The following CSMD2 variants were observed in gnomAD, a reference collection of about 807,000 sequenced individuals.
CSMD2 encodes the protein CUB and Sushi multiple domains 2.
In CSMD2, 130 loss-of-function variants were observed where a neutral mutation model predicts 398.5. That is an observed-to-expected ratio of 0.33 (90% CI 0.28 to 0.38). The LOEUF (loss-of-function observed/expected upper bound fraction) is 0.38, where lower values mean the gene tolerates loss of function less well. Among genes scored for constraint, CSMD2 ranks in the 10% least tolerant of loss-of-function variants. CSMD2 has a pLI of 1.00. For missense variants in CSMD2, 3,829 were observed against 4,764.9 expected, an observed-to-expected ratio of 0.80 and a Z score of 5.78; for synonymous variants, 1,828 against 1,908.5, an observed-to-expected ratio of 0.96 and a Z score of 1.10.
At chr1:33,895,346 AG>A (rs1642310296) in intron 5 of CSMD2, among the ~76,000 whole-genome samples, 1 of 152,094 alleles carries the variant, frequency 6.6e-6, no homozygotes, top group African/African-American at 2.4e-5. Context: ...GAATGCCTGC[AG>A]GGTGTATGGG....
intron 12 of CSMD2, among the ~76,000 whole-genome samples, chr1:33,785,272 T>C (rs555668892): frequency 1.3e-4 from 20 of 152,364 alleles, no homozygotes; most frequent in African/African-American, 3.8e-4. Context: ...CCCCAACCTC[T>C]GGTGACATGG....
At chr1:33,852,623 A>G (rs909066996) in intron 5 of CSMD2, among the ~76,000 whole-genome samples, 1 of 152,216 alleles carries the variant, frequency 6.6e-6, no homozygotes, top group Non-Finnish European at 1.5e-5. Flanking sequence ...TGGCCCTGCC[A>G]TGATCCTGGG....
chr1:33,748,915 T>A (rs1370839343), intron 13 of CSMD2, among the ~76,000 whole-genome samples: 1 of 152,072 alleles, frequency 6.6e-6, no homozygotes, highest in African/African-American at 2.4e-5. Context: ...AAAATCCCCA[T>A]AAATTCTATC....
Position 34,005,644 on chromosome 1 carries a change from T to C in CSMD2, c.517+26950A>G, listed in dbSNP as rs941894916. 2.3e-4 allele frequency among the ~76,000 whole-genome samples: 35 copies of C among 152,210 alleles called. 1 individual carries two copies. The highest frequency in any genetic ancestry group is 1.8e-4 in the Non-Finnish European group (12 of 68,034). On this transcript the variant is annotated intron_variant, in intron 3 of 70. Coordinates refer to ENST00000373381, the MANE Select transcript of CSMD2 (RefSeq NM_001281956.2). ...ACTCACCGGTTTGGTATAGTGTCTA[T>C]GACTGAGTTTCTGCCTCAGTTTCCT... is the stretch of plus-strand genomic sequence containing the variant.
Position 33,533,957 on chromosome 1 carries a change from C to CCTA in CSMD2, c.9880-53_9880-51dup. 1.7e-6 allele frequency: 2 copies of CCTA among 1,189,720 alleles called. No homozygotes were observed. Among genetic ancestry groups the CCTA allele is most frequent in the Middle Eastern group, 1.9e-4 (1 of 5,284 alleles). The allele number at this position is 1,189,720 out of a possible 1,614,324, so 73.7% of individuals were successfully genotyped here. ...CAGCCCCTTCCTTTCAGCGGTGCTT[C>CCTA]CTACGTCTGTCCCTTGACCACTTTC... is the stretch of plus-strand genomic sequence containing the variant. On this transcript the variant is annotated intron_variant, in intron 62 of 70. Coordinates refer to ENST00000373381, the MANE Select transcript of CSMD2 (RefSeq NM_001281956.2). This position sits in a 1 kb window ranked among gnomAD's most constrained non-coding sequence, Gnocchi z 4.2.
At chr1:33,915,796 G>A (rs1570490864) in intron 5 of CSMD2, among the ~76,000 whole-genome samples, 2 of 152,282 alleles carry the variant, frequency 1.3e-5, no homozygotes, top group Admixed American at 1.3e-4. Flanking sequence ...GTCTTACAAG[G>A]GAATGCTACA....
At chr1:33,879,766 C>T (rs1641103898) in intron 5 of CSMD2, among the ~76,000 whole-genome samples, 1 of 152,182 alleles carries the variant, frequency 6.6e-6, no homozygotes, top group South Asian at 2.1e-4. Context: ...TAGCAAACCA[C>T]ATTCTTCTGA....
chr1:34,088,081 C>A (rs1244012277), intron 2 of CSMD2, among the ~76,000 whole-genome samples: 2 of 152,208 alleles, frequency 1.3e-5, no homozygotes, highest in Non-Finnish European at 2.9e-5. Flanking sequence ...TGTGACCCTG[C>A]TGCAGGAGCT....
At chr1:33,594,170 C>G (rs756824688) in intron 44 of CSMD2, among the ~76,000 whole-genome samples, 12 of 152,130 alleles carry the variant, frequency 7.9e-5, no homozygotes, top group Non-Finnish European at 1.6e-4. Flanking sequence ...TTTATCTTTT[C>G]TTTCATACAT....
chr1:33,534,051 T>C, intron 62 of CSMD2, 144 bp from the exon 63 acceptor site: 1 of 602,318 alleles, frequency 1.7e-6, no homozygotes, highest in Non-Finnish European at 3.0e-6. Context: ...TGGTTAAATT[T>C]TCTTCTTCCT....
intron 55 of CSMD2, 139 bp downstream of exon 55, chr1:33,557,595 T>C: frequency 1.2e-6 from 1 of 807,772 alleles, no homozygotes; most frequent in Non-Finnish European, 1.9e-6. Context: ...ACTGTCACCA[T>C]AAGGCAACTC....
rs1057196950 is a variant in CSMD2, at chr1:33,605,478, A to G, written c.6344-8T>C. On this transcript the variant is annotated splice_polypyrimidine_tract_variant and splice_region_variant and intron_variant, in intron 41 of 70. Coordinates refer to ENST00000373381, the MANE Select transcript of CSMD2 (RefSeq NM_001281956.2). ...ACTCTTGAAGTTCATAGGCTGGAAA[A>G]GATCCGGAGAAAAGGTCACTTTATT... 1.9e-6 allele frequency: 3 copies of G among 1,613,868 alleles called. No homozygotes were observed. The highest frequency in any genetic ancestry group is 2.5e-6 in the Non-Finnish European group (3 of 1,179,780).
intron 19 of CSMD2, among the ~76,000 whole-genome samples, chr1:33,719,934 T>A (rs1571335377): frequency 6.6e-6 from 1 of 152,274 alleles, no homozygotes; most frequent in East Asian, 1.9e-4. Flanking sequence ...TTAAAAGGTG[T>A]CAGCTCTGGG....
At chr1:33,685,808 G>T (rs1645046673) in intron 25 of CSMD2, among the ~76,000 whole-genome samples, 1 of 152,150 alleles carries the variant, frequency 6.6e-6, no homozygotes, top group Non-Finnish European at 1.5e-5. Flanking sequence ...TATCTTGGAG[G>T]TACCTGTCTG....
At chr1:33,661,531 C>T (rs1297361965) in intron 26 of CSMD2, among the ~76,000 whole-genome samples, 1 of 152,204 alleles carries the variant, frequency 6.6e-6, no homozygotes, top group Non-Finnish European at 1.5e-5. Context: ...TTCCTTGGGT[C>T]TGCATCAGCC....
chr1:33,973,786 C>T (rs890799300), intron 3 of CSMD2, among the ~76,000 whole-genome samples: 1 of 152,160 alleles, frequency 6.6e-6, no homozygotes, highest in African/African-American at 2.4e-5. Context: ...GGCAGATGCA[C>T]TGAGGAGAAG....
intron 6 of CSMD2, among the ~76,000 whole-genome samples, chr1:33,836,991 G>A (rs943500692): frequency 9.9e-5 from 15 of 152,142 alleles, no homozygotes; most frequent in Admixed American, 4.6e-4. Context: ...GTTCCTATTC[G>A]GCCATCTTGG....
At chr1:34,145,036 G>A (rs1364101656) in intron 1 of CSMD2, among the ~76,000 whole-genome samples, 2 of 152,232 alleles carry the variant, frequency 1.3e-5, no homozygotes, top group African/African-American at 2.4e-5. Flanking sequence ...TGCCAATTAA[G>A]GGATGGTGGT....
Position 33,537,176 on chromosome 1 carries a change from G to C in CSMD2, c.9806-81C>G. 1 of 1,502,626 alleles carries C rather than the reference G, an allele frequency of 6.7e-7. No individual in the cohort carries two copies. Among genetic ancestry groups the C allele is most frequent in the Non-Finnish European group, 9.3e-7 (1 of 1,080,606 alleles). The allele number at this position is 1,502,626 out of a possible 1,614,324, so 93.1% of individuals were successfully genotyped here. A position where few individuals can be genotyped will look rare whatever the true frequency, so the allele number is the denominator to read the frequency against. On this transcript the variant is annotated intron_variant, in intron 61 of 70. Coordinates refer to ENST00000373381, the MANE Select transcript of CSMD2 (RefSeq NM_001281956.2). The surrounding 1 kb of genome is among the most constrained non-coding windows in gnomAD (Gnocchi z 4.6). ...CATCTCACTCTGGGAAATAGGTGTA[G>C]AAAAGAAAATGCGGCCACATCCTGA...
Sources: gnomAD v4.1 joint callset for allele counts (sites outside exome capture counted in the v4.1 genomes callset) on GRCh38, gnomAD v4.1.1 for gene constraint, Gnocchi (gnomAD v3.1) non-coding constraint, MANE v1.5 for transcripts, NCBI Gene and HGNC (gene_info 2026-07-23, HGNC 2026-07-21) for gene names.